The following TRAPPC9 variants were observed in gnomAD, a reference collection of about 807,000 sequenced individuals.
TRAPPC9 encodes IKK2 binding protein.
A neutral mutation model predicts 124.0 loss-of-function variants in TRAPPC9; 83 were observed. The ratio of observed to expected loss-of-function variants is 0.67; its 90% confidence interval spans 0.56 to 0.80. TRAPPC9 has a LOEUF of 0.80. Among genes scored for constraint, TRAPPC9 ranks in the 30% least tolerant of loss-of-function variants. The pLI, the probability that TRAPPC9 is intolerant of heterozygous loss-of-function variation, is 0.00. For synonymous variants in TRAPPC9, 638 were observed against 617.5 expected, an observed-to-expected ratio of 1.03 and a Z score of -0.49; for missense variants, 1,302 against 1,508.3, an observed-to-expected ratio of 0.86 and a Z score of 2.27.
intron 19 of TRAPPC9, among the ~76,000 whole-genome samples, chr8:139,979,125 CA>C (rs57165463): frequency 0.12 from 17,958 of 152,084 alleles, 2,017 homozygotes; most frequent in African/African-American, 0.3. Flanking sequence ...GCAAGCACCA[CA>C]AGAGAATTAA....
intron 17 of TRAPPC9, among the ~76,000 whole-genome samples, chr8:140,073,544 G>T (rs941768427): frequency 6.6e-6 from 1 of 152,202 alleles, no homozygotes; most frequent in Non-Finnish European, 1.5e-5. Flanking sequence ...AGCGTATGGG[G>T]ATTAACCTAG....
At chr8:140,045,435 G>T (rs1377699038) in intron 17 of TRAPPC9, among the ~76,000 whole-genome samples, 2 of 151,974 alleles carry the variant, frequency 1.3e-5, no homozygotes, top group Non-Finnish European at 2.9e-5. Flanking sequence ...AGACCATCCT[G>T]GCCAACATGG....
intron 19 of TRAPPC9, among the ~76,000 whole-genome samples, chr8:139,926,075 T>A (rs1297220602): frequency 6.6e-6 from 1 of 152,236 alleles, no homozygotes; most frequent in Admixed American, 6.5e-5. Flanking sequence ...AGCCTGAAAT[T>A]GCCCAGAAGG....
At chr8:140,035,066 A>T (rs560555041) in intron 17 of TRAPPC9, among the ~76,000 whole-genome samples, 1 of 152,378 alleles carries the variant, frequency 6.6e-6, no homozygotes, top group South Asian at 2.1e-4. Context: ...GGAGGAGGGT[A>T]AACTGTGGAA....
Position 140,344,888 on chromosome 8 carries a change from C to A in TRAPPC9, c.1495+15162G>T, listed in dbSNP as rs576984304. Among the ~76,000 whole-genome samples the A allele has an allele frequency of 3.3e-5, 5 of 152,346 alleles. No individual in the cohort carries two copies. The South Asian group carries it at 6.2e-4, about 19-fold the overall frequency. On this transcript the variant is annotated intron_variant, in intron 9 of 22. Transcript: ENST00000438773. ...AGGTTGAAGCAGAAAGGTGCTATGG[C>A]GTGAAGCCGTGGTCATATCTGGGAT...
intron 17 of TRAPPC9, among the ~76,000 whole-genome samples, chr8:140,034,775 C>T (rs549633676): frequency 1.2e-4 from 18 of 152,348 alleles, no homozygotes; most frequent in Admixed American, 3.3e-4. Flanking sequence ...TCACCACTAT[C>T]GAAAGCTTAG....
Position 140,182,030 on chromosome 8 carries a change from C to G in TRAPPC9, c.2556+39429G>C, listed in dbSNP as rs189990807. 1.3e-5 allele frequency among the ~76,000 whole-genome samples: 2 copies of G among 152,160 alleles called. No homozygotes were observed. Among genetic ancestry groups the G allele is most frequent in the African/African-American group, 2.4e-5 (1 of 41,444 alleles). ...TTCCTGGTCCAATCTGAGGGAAGCC[C>G]TTCATGACTCAGTACCAGGGAGCTG... On this transcript the variant is annotated intron_variant, in intron 17 of 22. Coordinates refer to ENST00000438773, the MANE Select transcript of TRAPPC9 (RefSeq NM_001160372.4). The surrounding 1 kb of genome is among the most constrained non-coding windows in gnomAD (Gnocchi z 4.0).
intron 3 of TRAPPC9, among the ~76,000 whole-genome samples, chr8:140,435,573 C>T (rs1006356423): frequency 3.9e-5 from 6 of 152,176 alleles, no homozygotes; most frequent in Admixed American, 3.3e-4. Context: ...TTCACGTGGC[C>T]GGCATTCCTG....
At chr8:140,145,300 A>G (rs1203771832) in intron 17 of TRAPPC9, among the ~76,000 whole-genome samples, 1 of 151,714 alleles carries the variant, frequency 6.6e-6, no homozygotes, top group African/African-American at 2.4e-5. Flanking sequence ...CTTTTTCCCT[A>G]TTGCAGTAGC....
At chr8:140,324,690 A>G (rs979666331) in intron 9 of TRAPPC9, among the ~76,000 whole-genome samples, 5 of 152,322 alleles carry the variant, frequency 3.3e-5, no homozygotes, top group Non-Finnish European at 7.4e-5. Context: ...AAATCACTTG[A>G]GCCCAGGAAG....
At position 139,808,148 on chromosome 8, in the gene TRAPPC9, C is replaced by T. The variant is rs140162460; in HGVS notation, c.3056-75946G>A. ...TTTGAGACATACTTCATGTACCATG[C>T]AATTTACCCATTTGAAGTATACAAT... is the stretch of plus-strand genomic sequence containing the variant. On this transcript the variant is annotated intron_variant, in intron 21 of 22. Transcript: ENST00000438773. Among the ~76,000 whole-genome samples the T allele has an allele frequency of 6.3e-4, 96 of 152,310 alleles. 2 individuals carry two copies. In the East Asian group the frequency reaches 0.014, roughly 23 times the overall value.
At chr8:139,785,997 A>G (rs1264364066) in intron 21 of TRAPPC9, among the ~76,000 whole-genome samples, 1 of 152,050 alleles carries the variant, frequency 6.6e-6, no homozygotes, top group African/African-American at 2.4e-5. Context: ...ACCTGAGGTC[A>G]GGAGTTCGAG....
At chr8:140,050,878 C>T (rs968796545) in intron 17 of TRAPPC9, among the ~76,000 whole-genome samples, 6 of 152,226 alleles carry the variant, frequency 3.9e-5, no homozygotes, top group African/African-American at 1.4e-4. Context: ...GGGGGAAGGG[C>T]ACCTGCACGT....
At chr8:140,457,618 G>GCC (rs895264979) in intron 1 of TRAPPC9, 21 bp downstream of exon 1, 1 of 985,604 alleles carries the variant, frequency 1.0e-6, no homozygotes, top group Non-Finnish European at 1.2e-6. Context: ...CTGACCGGGA[G>GCC]CCCCCCCGCT....
At chr8:139,853,102 T>G (rs1415171428) in intron 21 of TRAPPC9, among the ~76,000 whole-genome samples, 1 of 152,220 alleles carries the variant, frequency 6.6e-6, no homozygotes, top group Non-Finnish European at 1.5e-5. Flanking sequence ...CACTCCTGTC[T>G]TGTCAGCATG....
At position 140,294,968 on chromosome 8, in the gene TRAPPC9, A is replaced by G. The variant is rs189156813; in HGVS notation, c.1769-3890T>C. 4.6e-5 allele frequency among the ~76,000 whole-genome samples: 7 copies of G among 152,290 alleles called. No individual in the cohort carries two copies. In the East Asian group the frequency reaches 1.4e-3, roughly 29 times the overall value. ...AACCCCTTTCCATCCTCAGCATGTCAAAGCACACGGTGGTGGCCCTTCCTC... is the reference window on the plus strand; with the variant it reads ...AACCCCTTTCCATCCTCAGCATGTCGAAGCACACGGTGGTGGCCCTTCCTC... On this transcript the variant is annotated intron_variant, in intron 11 of 22. Transcript: ENST00000438773.
At chr8:139,844,896 GCCTC>G (rs1262558350) in intron 21 of TRAPPC9, among the ~76,000 whole-genome samples, 1 of 152,186 alleles carries the variant, frequency 6.6e-6, no homozygotes, top group East Asian at 1.9e-4. Context: ...TGGCCTGAAG[GCCTC>G]AGCCACCCCC....
intron 21 of TRAPPC9, among the ~76,000 whole-genome samples, chr8:139,814,000 G>T (rs1488778184): frequency 2.0e-5 from 3 of 152,170 alleles, no homozygotes; most frequent in African/African-American, 4.8e-5. Context: ...CCTGGAAAAG[G>T]TGACACCAGA....
At chr8:139,859,146 C>A (rs73726685) in intron 21 of TRAPPC9, among the ~76,000 whole-genome samples, 1 of 151,718 alleles carries the variant, frequency 6.6e-6, no homozygotes, top group African/African-American at 2.4e-5. Flanking sequence ...CGGTTTCTGG[C>A]CCGAGTCAGA....
Sources: allele counts gnomAD v4.1 joint callset (sites outside exome capture counted in the v4.1 genomes callset), GRCh38; gene constraint gnomAD v4.1.1; non-coding constraint Gnocchi (gnomAD v3.1); transcripts MANE v1.5; gene names NCBI Gene and HGNC (gene_info 2026-07-23, HGNC 2026-07-21).